Variants in ACSM3 observed in about 807,000 individuals in gnomAD.
The protein encoded by ACSM3 is acyl-CoA synthetase medium chain family member 3, also known as acyl-coenzyme A synthetase ACSM3, mitochondrial.
Under a neutral mutation model 74.1 loss-of-function variants are expected in ACSM3, and 61 were observed. The observed-to-expected ratio is 0.82, with a 90% CI of 0.67 to 1.02. The LOEUF (loss-of-function observed/expected upper bound fraction) is 1.02. Among genes scored for constraint, ACSM3 ranks in the 50% least tolerant of loss-of-function variants. ACSM3 has a pLI of 0.00. For missense variants in ACSM3, 660 were observed against 697.0 expected, an observed-to-expected ratio of 0.95 and a Z score of 0.60; for synonymous variants, 213 against 241.5, an observed-to-expected ratio of 0.88 and a Z score of 1.09.
chr16:20,737,337 G>A (rs2152417272), intron 1 of ACSM3: 1 of 1,518,954 alleles, frequency 6.6e-7, no homozygotes, highest in African/African-American at 1.4e-5. Flanking sequence ...CATTACATCT[G>A]ATAGATACAA....
intron 1 of ACSM3, among the ~76,000 whole-genome samples, chr16:20,685,815 G>A (rs187822465): frequency 4.0e-4 from 32 of 79,018 alleles, no homozygotes; most frequent in Middle Eastern, 0.01. Flanking sequence ...GTGAGACTCC[G>A]TCTCAAAAAA....
intron 1 of ACSM3, among the ~76,000 whole-genome samples, chr16:20,707,668 T>A (rs2079731824): frequency 6.6e-6 from 1 of 152,136 alleles, no homozygotes; most frequent in South Asian, 2.1e-4. Context: ...CCAAAAGCAT[T>A]TGGCTACAAT....
chr16:20,717,983 A>AGAAGAAGAG (rs2079770508), intron 1 of ACSM3, among the ~76,000 whole-genome samples: 4 of 134,550 alleles, frequency 3.0e-5, no homozygotes, highest in Admixed American at 1.4e-4. Flanking sequence ...AAGAAGAAGA[A>AGAAGAAGAG]GAAGAAGAAG....
chr16:20,716,459 T>A (rs115960008), intron 1 of ACSM3, among the ~76,000 whole-genome samples: 1 of 152,116 alleles, frequency 6.6e-6, no homozygotes, highest in African/African-American at 2.4e-5. Context: ...GTGGCTTGGA[T>A]GGAACCCAGG....
chr16:20,774,666 T>C (rs550990447), intron 2 of ACSM3, among the ~76,000 whole-genome samples: 14 of 152,376 alleles, frequency 9.2e-5, no homozygotes, highest in African/African-American at 3.1e-4. Context: ...TTAAACTGTT[T>C]ACATTCAAGA....
chr16:20,678,351 G>T (rs2079356916), intron 1 of ACSM3, among the ~76,000 whole-genome samples: 4 of 152,048 alleles, frequency 2.6e-5, no homozygotes, highest in Non-Finnish European at 5.9e-5. Context: ...ATGTGCCATG[G>T]CTCACTGCTA....
chr16:20,797,062 T>C lies in ACSM3; in HGVS notation c.*90T>C. ...AAGATGATGGAGAGGTCATAAAAACTGTGGTAGTATGCTTAGAAACTGTTG... is the reference window on the plus strand; with the variant it reads ...AAGATGATGGAGAGGTCATAAAAACCGTGGTAGTATGCTTAGAAACTGTTG... On this transcript the variant is annotated 3_prime_UTR_variant, in exon 14 of 14. Transcript: ENST00000289416. 6.6e-7 allele frequency: 1 copy of C among 1,504,330 alleles called. No homozygotes were observed. The allele number at this position is 1,504,330 out of a possible 1,614,324, so 93.2% of individuals were successfully genotyped here. A position where few individuals can be genotyped will look rare whatever the true frequency, so the allele number is the denominator to read the frequency against.
chr16:20,741,788 G>T (rs545428946), intron 1 of ACSM3: 1 of 1,548,368 alleles, frequency 6.5e-7, no homozygotes, highest in Non-Finnish European at 8.7e-7. Flanking sequence ...GCTGCTGTTG[G>T]CGTCCTCGTC....
At chr16:20,793,546 C>T (rs2080651143) in intron 12 of ACSM3, among the ~76,000 whole-genome samples, 1 of 151,740 alleles carries the variant, frequency 6.6e-6, no homozygotes, top group South Asian at 2.1e-4. Context: ...GTGGATCTCC[C>T]CCCAGGACTG....
At chr16:20,757,150 A>T (rs997432466) in intron 3 of ACSM3, among the ~76,000 whole-genome samples, 1 of 152,066 alleles carries the variant, frequency 6.6e-6, no homozygotes, top group South Asian at 2.1e-4. Flanking sequence ...ACTTTAAAGT[A>T]GTTTTTTCCA....
intron 1 of ACSM3, among the ~76,000 whole-genome samples, chr16:20,692,876 A>T (rs2079667139): frequency 6.6e-6 from 1 of 152,242 alleles, no homozygotes; most frequent in Admixed American, 6.5e-5. Flanking sequence ...GCAAGATAAA[A>T]AATTAGAGCT....
intron 1 of ACSM3, chr16:20,739,032 C>T: frequency 6.2e-7 from 1 of 1,614,220 alleles, no homozygotes; most frequent in South Asian, 1.1e-5. Flanking sequence ...TCATCATCCT[C>T]TCCCTCACTT....
intron 2 of ACSM3, among the ~76,000 whole-genome samples, chr16:20,755,420 G>C (rs1367472824): frequency 6.6e-6 from 1 of 151,766 alleles, no homozygotes; most frequent in East Asian, 1.9e-4. Flanking sequence ...AGGTATGCTT[G>C]AAATAAATGA....
Position 20,717,262 on chromosome 16 carries a change from T to A in ACSM3, c.-189-32648T>A, listed in dbSNP as rs922881627. 6.6e-5 allele frequency among the ~76,000 whole-genome samples: 10 copies of A among 152,212 alleles called. 1 individual carries two copies. The highest frequency in any genetic ancestry group is 1.3e-4 in the Non-Finnish European group (9 of 68,048). The stretch of plus-strand genomic sequence containing the variant: ...AGAAATATTTCCCATTAAAGCCATA[T>A]ATCTCATTGTCCATACTGCATCATG... On this transcript the variant is annotated intron_variant, in intron 1 of 3. Coordinates refer to the ACSM3 transcript ENST00000561584.
At chr16:20,720,396 A>T (rs1310700377) in intron 1 of ACSM3, among the ~76,000 whole-genome samples, 1 of 152,230 alleles carries the variant, frequency 6.6e-6, no homozygotes, top group Non-Finnish European at 1.5e-5. Context: ...TCGCATGTAC[A>T]GTTCACAATA....
chr16:20,754,469 T>TA (rs2152436332), intron 2 of ACSM3, among the ~76,000 whole-genome samples: 1 of 152,280 alleles, frequency 6.6e-6, no homozygotes, highest in African/African-American at 2.4e-5. Context: ...AACTGGGCTT[T>TA]AGTATATTGT....
At chr16:20,750,592 A>C (rs1263232023) in intron 2 of ACSM3, among the ~76,000 whole-genome samples, 3 of 152,196 alleles carry the variant, frequency 2.0e-5, no homozygotes, top group African/African-American at 7.2e-5. Flanking sequence ...AGTGACAGCC[A>C]CCTAGGAAAA....
At chr16:20,746,384 G>T (rs569068037) in intron 1 of ACSM3, among the ~76,000 whole-genome samples, 8 of 152,074 alleles carry the variant, frequency 5.3e-5, no homozygotes, top group African/African-American at 1.9e-4. Flanking sequence ...TATATTTTTG[G>T]TTTACTAAAA....
chr16:20,728,973 T>C (rs927463924), intron 1 of ACSM3, among the ~76,000 whole-genome samples: 1 of 152,090 alleles, frequency 6.6e-6, no homozygotes, highest in Non-Finnish European at 1.5e-5. Flanking sequence ...CCAGGTGTGG[T>C]GGCACATGCC....
Sources: allele counts gnomAD v4.1 joint callset (sites outside exome capture counted in the v4.1 genomes callset), GRCh38; gene constraint gnomAD v4.1.1; transcripts MANE v1.5; gene names NCBI Gene and HGNC (gene_info 2026-07-23, HGNC 2026-07-21).